Variants in LARGE1 observed in about 807,000 individuals in gnomAD.
LARGE1 encodes the protein LARGE xylosyl- and glucuronyltransferase 1.
A neutral mutation model predicts 87.6 loss-of-function variants in LARGE1; 43 were observed. That is an observed-to-expected ratio of 0.49 (90% CI 0.38 to 0.63). LARGE1 has a LOEUF of 0.63. Among genes scored for constraint, LARGE1 ranks in the 30% least tolerant of loss-of-function variants. LARGE1 has a pLI of 0.00. For missense variants in LARGE1, 802 were observed against 1,000.2 expected (o/e 0.80, Z 2.67); for synonymous variants, 434 against 394.6 (o/e 1.10, Z -1.18).
intron 2 of LARGE1, among the ~76,000 whole-genome samples, chr22:33,688,510 C>T (rs527969564): frequency 2.0e-5 from 3 of 152,216 alleles, no homozygotes; most frequent in East Asian, 1.9e-4. Flanking sequence ...CACCATCACG[C>T]GCGGCTAATT....
intron 11 of LARGE1, among the ~76,000 whole-genome samples, chr22:33,211,415 G>T (rs1451108731): frequency 2.0e-5 from 3 of 152,204 alleles, no homozygotes; most frequent in Non-Finnish European, 4.4e-5. Context: ...TAGGCCAAAA[G>T]CTAGGCCTCT....
At chr22:33,100,727 C>T in the LARGE1 span, among the ~76,000 whole-genome samples, 3 of 152,124 alleles carry the variant, frequency 2.0e-5, no homozygotes, top group Non-Finnish European at 2.9e-5. Context: ...CCTGGTGATC[C>T]GATGCTGCTG....
chr22:33,390,121 T>A (rs192034347), intron 7 of LARGE1, among the ~76,000 whole-genome samples: 1 of 152,324 alleles, frequency 6.6e-6, no homozygotes, highest in African/African-American at 2.4e-5. Context: ...CTCTGTGAAT[T>A]TGATGAGCTG....
At chr22:33,797,105 A>G (rs2086011064) in intron 1 of LARGE1, among the ~76,000 whole-genome samples, 1 of 152,074 alleles carries the variant, frequency 6.6e-6, no homozygotes, top group Non-Finnish European at 1.5e-5. Context: ...GTTGTTAATT[A>G]AAGAGAGTGG....
intron 11 of LARGE1, among the ~76,000 whole-genome samples, chr22:33,205,995 T>A (rs562183163): frequency 6.9e-6 from 1 of 144,482 alleles, no homozygotes; most frequent in African/African-American, 2.6e-5. Context: ...CGCTCTGTTG[T>A]CCAGGCTGGA....
chr22:33,268,039 T>G (rs5749592), downstream of LARGE1, among the ~76,000 whole-genome samples: 24,343 of 150,832 alleles, frequency 0.16, 4,068 homozygotes, highest in African/African-American at 0.4. Context: ...CACTGCAACC[T>G]CCGCCTTCTG....
intron 11 of LARGE1, among the ~76,000 whole-genome samples, chr22:33,307,832 G>T (rs536172463): frequency 2.0e-5 from 3 of 151,490 alleles, no homozygotes; most frequent in African/African-American, 7.3e-5. Flanking sequence ...GCAGTGGTGC[G>T]ATCTCGGCTC....
At position 33,302,656 on chromosome 22, in the gene LARGE1, G is replaced by C. The variant is rs143540377; in HGVS notation, c.1730+1573C>G. ...TAAGAGAAAGATACTAAGAGACAGAGAGACGGAGTCAGAAGGAGGGAGGGA... is the reference window on the plus strand; with the variant it reads ...TAAGAGAAAGATACTAAGAGACAGACAGACGGAGTCAGAAGGAGGGAGGGA... On this transcript the variant is annotated intron_variant, in intron 12 of 14. Coordinates refer to ENST00000397394, the MANE Select transcript of LARGE1 (RefSeq NM_133642.5). Among the ~76,000 whole-genome samples the C allele has an allele frequency of 2.6e-5, 4 of 152,296 alleles. No individual in the cohort carries two copies. In the East Asian group the frequency reaches 7.7e-4, roughly 29 times the overall value.
chr22:33,155,642 C>G, the LARGE1 span, among the ~76,000 whole-genome samples: 2 of 152,118 alleles, frequency 1.3e-5, no homozygotes. Context: ...AAATTTTCAA[C>G]CTGACAATGC....
At chr22:33,314,471 A>G (rs1038589139) in intron 11 of LARGE1, among the ~76,000 whole-genome samples, 6 of 152,258 alleles carry the variant, frequency 3.9e-5, no homozygotes, top group Admixed American at 1.3e-4. Context: ...GCCTTTATGA[A>G]AACGTTTTTG....
chr22:33,182,968 T>C (rs1602057581), intron 11 of LARGE1, among the ~76,000 whole-genome samples: 1 of 152,270 alleles, frequency 6.6e-6, no homozygotes, highest in East Asian at 1.9e-4. Context: ...CAGGTGGGAT[T>C]ATATCAAACT....
intron 6 of LARGE1, among the ~76,000 whole-genome samples, chr22:33,485,236 CAG>C (rs1250457942): frequency 1.4e-5 from 2 of 143,662 alleles, no homozygotes; most frequent in South Asian, 2.2e-4. Context: ...TTTTTTGAGA[CAG>C]AGTCTTGCTC....
chr22:33,694,376 A>G (rs240077), intron 2 of LARGE1, among the ~76,000 whole-genome samples: 23,411 of 152,160 alleles, frequency 0.15, 2,077 homozygotes, highest in East Asian at 0.32. Context: ...GGTCCCTGTC[A>G]CAGTGTCACA....
At chr22:33,362,887 G>C (rs2064438478) in intron 9 of LARGE1, among the ~76,000 whole-genome samples, 2 of 149,876 alleles carry the variant, frequency 1.3e-5, no homozygotes, top group Non-Finnish European at 3.0e-5. Context: ...TTAAGTTCTT[G>C]TTTCACTTTG....
intron 3 of LARGE1, 69 bp downstream of exon 3, chr22:33,650,298 G>A: frequency 6.4e-7 from 1 of 1,570,828 alleles, no homozygotes; most frequent in Admixed American, 1.7e-5. Flanking sequence ...TTTCCAGGAG[G>A]CATTTGCAAG....
the LARGE1 span, among the ~76,000 whole-genome samples, chr22:33,136,424 C>T: frequency 6.6e-6 from 1 of 152,152 alleles, no homozygotes; most frequent in Non-Finnish European, 1.5e-5. Context: ...ACCATGAGAA[C>T]AGTATGGGAG....
intron 12 of LARGE1, among the ~76,000 whole-genome samples, chr22:33,296,058 C>A (rs1024505359): frequency 6.6e-6 from 1 of 152,220 alleles, no homozygotes; most frequent in Non-Finnish European, 1.5e-5. Context: ...TCTGTCTCCA[C>A]CATCTCAGGT....
chr22:33,634,555 A>G (rs1201774305), intron 3 of LARGE1, among the ~76,000 whole-genome samples: 1 of 152,134 alleles, frequency 6.6e-6, no homozygotes, highest in African/African-American at 2.4e-5. Context: ...GAAAGGCTGC[A>G]TTCTTCTTTC....
intron 5 of LARGE1, among the ~76,000 whole-genome samples, chr22:33,573,803 T>G (rs2078276276): frequency 6.6e-6 from 1 of 152,196 alleles, no homozygotes; most frequent in Non-Finnish European, 1.5e-5. Context: ...ATCTGAATAC[T>G]TGCTCTGGGA....
Sources: gnomAD v4.1 joint callset for allele counts (sites outside exome capture counted in the v4.1 genomes callset) on GRCh38, gnomAD v4.1.1 for gene constraint, MANE v1.5 for transcripts, NCBI Gene and HGNC (gene_info 2026-07-23, HGNC 2026-07-21) for gene names.